The following GALNTL6 variants were observed in gnomAD, a reference collection of about 807,000 sequenced individuals.
GALNTL6 encodes the protein polypeptide N-acetylgalactosaminyltransferase-like 6.
Under a neutral mutation model 73.7 loss-of-function variants are expected in GALNTL6, and 46 were observed. That is an observed-to-expected ratio of 0.62 (90% CI 0.49 to 0.80). GALNTL6 has a LOEUF of 0.80. Ranked by LOEUF, GALNTL6 falls within the 30% of genes least tolerant of loss-of-function variation. The probability of loss-of-function intolerance (pLI) is 0.00; values close to 1 mark genes in which losing one functional copy is unlikely to be tolerated. For missense variants in GALNTL6, 604 were observed against 755.0 expected, an observed-to-expected ratio of 0.80 and a Z score of 2.34; for synonymous variants, 259 against 263.7, an observed-to-expected ratio of 0.98 and a Z score of 0.17.
At chr4:172,027,034 T>G (rs1054971736) in intron 2 of GALNTL6, among the ~76,000 whole-genome samples, 1 of 152,074 alleles carries the variant, frequency 6.6e-6, no homozygotes, top group Non-Finnish European at 1.5e-5. Flanking sequence ...GGACTACAGG[T>G]GCATGCCACC....
At chr4:172,200,222 A>T (rs17058111) in intron 2 of GALNTL6, among the ~76,000 whole-genome samples, 6,384 of 152,254 alleles carry the variant, frequency 0.042, 421 homozygotes, top group African/African-American at 0.14. Flanking sequence ...TTCACTAATA[A>T]GTGTTCCAAT....
chr4:172,893,580 G>T (rs919692130), intron 8 of GALNTL6, among the ~76,000 whole-genome samples: 3 of 152,180 alleles, frequency 2.0e-5, no homozygotes, highest in Non-Finnish European at 4.4e-5. Flanking sequence ...GGAGTGACCA[G>T]GCAGGCAGTC....
chr4:171,916,913 A>C (rs1244503446), intron 2 of GALNTL6, among the ~76,000 whole-genome samples: 1 of 152,112 alleles, frequency 6.6e-6, no homozygotes, highest in Admixed American at 6.6e-5. Flanking sequence ...AAGGAATAGA[A>C]GAAAATCACC....
chr4:172,131,765 T>C (rs1486899327), intron 2 of GALNTL6, among the ~76,000 whole-genome samples: 1 of 151,802 alleles, frequency 6.6e-6, no homozygotes, highest in African/African-American at 2.4e-5. Flanking sequence ...TAGAGATTGT[T>C]TGAGTTTTTG....
At chr4:172,811,244 G>A (rs1352748197) in intron 6 of GALNTL6, among the ~76,000 whole-genome samples, 1 of 152,192 alleles carries the variant, frequency 6.6e-6, no homozygotes, top group Non-Finnish European at 1.5e-5. Context: ...AAATTGAAAT[G>A]TAGGCACAAG....
At chr4:172,955,314 C>T (rs1216918291) in intron 10 of GALNTL6, among the ~76,000 whole-genome samples, 2 of 152,004 alleles carry the variant, frequency 1.3e-5, no homozygotes, top group African/African-American at 4.8e-5. Flanking sequence ...CCTATCTCTA[C>T]TAAAAATACA....
In GALNTL6 at chr4:172,104,419, T is replaced by C. The variant is rs1025344855; in HGVS notation, c.139-125237T>C. Among the ~76,000 whole-genome samples the C allele has an allele frequency of 3.9e-5, 6 of 152,034 alleles. No homozygotes were observed. The South Asian group carries it at 1.0e-3, about 26-fold the overall frequency. ...AGGGAAAAAAGTGCTTACTGAAAGATGAGATAAATCAGCGTCTGGAAATTC... is the reference window on the plus strand; with the variant it reads ...AGGGAAAAAAGTGCTTACTGAAAGACGAGATAAATCAGCGTCTGGAAATTC... On this transcript the variant is annotated intron_variant, in intron 2 of 12. Transcript: ENST00000506823.
chr4:172,591,152 T>C (rs1737622102), intron 5 of GALNTL6, among the ~76,000 whole-genome samples: 1 of 152,192 alleles, frequency 6.6e-6, no homozygotes, highest in South Asian at 2.1e-4. Flanking sequence ...TTTAGCCTCA[T>C]TCTGTTTTTG....
chr4:172,605,114 CA>C (rs1348439092), intron 5 of GALNTL6, among the ~76,000 whole-genome samples: 1 of 152,132 alleles, frequency 6.6e-6, no homozygotes, highest in Non-Finnish European at 1.5e-5. Context: ...ATTTTATAGA[CA>C]AAATGAATTA....
chr4:172,393,169 G>A (rs1743725806), intron 5 of GALNTL6, among the ~76,000 whole-genome samples: 1 of 152,166 alleles, frequency 6.6e-6, no homozygotes, highest in South Asian at 2.1e-4. Context: ...GTGCCAAAAA[G>A]GGAGCCGCTG....
intron 5 of GALNTL6, among the ~76,000 whole-genome samples, chr4:172,432,044 T>C (rs896361269): frequency 2.0e-5 from 3 of 152,106 alleles, no homozygotes; most frequent in African/African-American, 7.2e-5. Flanking sequence ...AAAAGTGTGA[T>C]TTTTAAAAAA....
intron 3 of GALNTL6, among the ~76,000 whole-genome samples, chr4:172,283,025 C>CCATG (rs1407416892): frequency 6.6e-6 from 1 of 152,154 alleles, no homozygotes; most frequent in Admixed American, 6.5e-5. Flanking sequence ...TCTTACCCTG[C>CCATG]CATGCATCAT....
At chr4:171,895,557 AG>A (rs1736886534) in intron 2 of GALNTL6, among the ~76,000 whole-genome samples, 2 of 152,298 alleles carry the variant, frequency 1.3e-5, no homozygotes, top group South Asian at 2.1e-4. Flanking sequence ...GACTAAGACA[AG>A]ACAAAACTAA....
chr4:172,163,261 CAA>C (rs941168833), intron 2 of GALNTL6, among the ~76,000 whole-genome samples: 3 of 151,988 alleles, frequency 2.0e-5, no homozygotes, highest in African/African-American at 7.2e-5. Flanking sequence ...TTACGTGCAA[CAA>C]AGTCAATTAA....
At chr4:172,272,356 G>C (rs769204965) in intron 3 of GALNTL6, among the ~76,000 whole-genome samples, 4 of 152,190 alleles carry the variant, frequency 2.6e-5, no homozygotes, top group Non-Finnish European at 5.9e-5. Flanking sequence ...AGGCTATTTT[G>C]TTGTTGTGAG....
intron 5 of GALNTL6, among the ~76,000 whole-genome samples, chr4:172,632,962 A>T (rs1209217960): frequency 6.6e-6 from 1 of 152,244 alleles, no homozygotes; most frequent in Non-Finnish European, 1.5e-5. Context: ...GGTTTTGGGC[A>T]TGCTGGTACA....
chr4:172,891,422 AG>A (rs763874320), intron 8 of GALNTL6, among the ~76,000 whole-genome samples: 1 of 152,136 alleles, frequency 6.6e-6, no homozygotes, highest in Non-Finnish European at 1.5e-5. Context: ...GCTTAGCTTG[AG>A]GGGATATAAA....
intron 5 of GALNTL6, among the ~76,000 whole-genome samples, chr4:172,407,227 C>T (rs531665765): frequency 6.6e-6 from 1 of 152,046 alleles, no homozygotes; most frequent in African/African-American, 2.4e-5. Context: ...TCATATTATC[C>T]AATATGCACT....
intron 2 of GALNTL6, among the ~76,000 whole-genome samples, chr4:172,213,937 G>T (rs538529863): frequency 6.6e-6 from 1 of 152,042 alleles, no homozygotes; most frequent in Non-Finnish European, 1.5e-5. Flanking sequence ...TTACATTTAG[G>T]TGTTTGATTT....
Sources: allele counts gnomAD v4.1 joint callset (sites outside exome capture counted in the v4.1 genomes callset), GRCh38; gene constraint gnomAD v4.1.1; transcripts MANE v1.5; gene names NCBI Gene and HGNC (gene_info 2026-07-23, HGNC 2026-07-21).